SEPTIN9: variants seen among roughly 807,000 people sequenced by gnomAD.
SEPTIN9 encodes septin-9.
A neutral mutation model predicts 56.6 loss-of-function variants in SEPTIN9; 13 were observed. The ratio of observed to expected loss-of-function variants is 0.23; its 90% CI spans 0.15 to 0.37. The LOEUF is 0.37. SEPTIN9 is among the 10% of genes least tolerant of loss of function. SEPTIN9 has a pLI of 1.00. For missense variants in SEPTIN9, 650 were observed against 823.1 expected (o/e 0.79, Z 2.57); for synonymous variants, 332 against 334.1 (o/e 0.99, Z 0.07).
intron 2 of SEPTIN9, among the ~76,000 whole-genome samples, chr17:77,398,550 G>A (rs1431169558): frequency 6.6e-6 from 1 of 152,206 alleles, no homozygotes; most frequent in Non-Finnish European, 1.5e-5. Context: ...GTGAGCCAGG[G>A]TGGGCACCTC....
At chr17:77,410,958 A>C (rs56377273) in intron 3 of SEPTIN9, among the ~76,000 whole-genome samples, 3 of 151,770 alleles carry the variant, frequency 2.0e-5, no homozygotes, top group Admixed American at 6.6e-5. Flanking sequence ...GGTGGCGGGC[A>C]CCTGTAGTCC....
In SEPTIN9 at chr17:77,453,991, G is replaced by GT. The variant is rs2038084903; in HGVS notation, c.722-28152dup. On this transcript the variant is annotated intron_variant, in intron 3 of 11. Coordinates refer to ENST00000427177, the MANE Select transcript of SEPTIN9 (RefSeq NM_001113491.2). This position sits in a 1 kb window ranked among gnomAD's most constrained non-coding sequence, Gnocchi z 4.4. ...GCAGCTTCCGTTATCTGGTTCTTCT[G>GT]TACATGTAAGCCTTTCCCATACACC... 1.1e-6 allele frequency: 1 copy of GT among 926,864 alleles called. No homozygotes were observed. The allele number at this position is 926,864 out of a possible 1,614,324, so 57.4% of individuals were successfully genotyped here.
At chr17:77,495,571 T>G (rs904613775) in intron 10 of SEPTIN9, among the ~76,000 whole-genome samples, 1 of 152,190 alleles carries the variant, frequency 6.6e-6, no homozygotes, top group African/African-American at 2.4e-5. Flanking sequence ...TATCCACATT[T>G]TATGGATGAG....
intron 8 of SEPTIN9, among the ~76,000 whole-genome samples, chr17:77,491,457 C>G (rs1287737602): frequency 6.6e-6 from 1 of 151,704 alleles, no homozygotes; most frequent in Non-Finnish European, 1.5e-5. Context: ...CTCAGCCTCC[C>G]AAAGTGCTGG....
At position 77,450,742 on chromosome 17, in the gene SEPTIN9, C is replaced by T. The variant is rs2037933127; in HGVS notation, c.722-31402C>T. On this transcript the variant is annotated intron_variant, in intron 3 of 11. Transcript: ENST00000427177. This position sits in a 1 kb window ranked among gnomAD's most constrained non-coding sequence, Gnocchi z 6.0. ...GCTGGAGAGGCTGGAGAGGCAGGAG[C>T]TGGATCAGATCTGAATCCAGAGGCT... 2 of 986,264 alleles carry T rather than the reference C, an allele frequency of 2.0e-6. No homozygotes were observed. Among genetic ancestry groups the T allele is most frequent in the African/African-American group, 1.7e-5 (1 of 57,346 alleles). 61.1% of individuals were successfully genotyped at this position (986,264 alleles called of 1,614,324 possible). A position where few individuals can be genotyped will look rare whatever the true frequency, so the allele number is the denominator to read the frequency against.
chr17:77,362,813 C>G (rs1029862074), intron 2 of SEPTIN9, among the ~76,000 whole-genome samples: 1 of 152,148 alleles, frequency 6.6e-6, no homozygotes, highest in African/African-American at 2.4e-5. Flanking sequence ...GAAGAAGGGT[C>G]CAGAGGAGAA....
chr17:77,281,874 G>A lies in SEPTIN9; in HGVS notation c.19+320G>A, dbSNP rs146166234. 959 of 405,850 alleles carry A rather than the reference G, an allele frequency of 2.4e-3. 12 individuals are homozygous for A. Among genetic ancestry groups the A allele is most frequent in the African/African-American group, 0.018 (850 of 47,400 alleles). 25.1% of individuals were successfully genotyped at this position (405,850 alleles called of 1,614,324 possible). A position where few individuals can be genotyped will look rare whatever the true frequency, so the allele number is the denominator to read the frequency against. On this transcript the variant is annotated intron_variant, in intron 1 of 11. Transcript: ENST00000427177. ...TCGGCCGGGTGCTTTGGGTCCCTGTGCGTCTGTGTGGGTGAATGGGGTCGG... is the reference window on the plus strand; with the variant it reads ...TCGGCCGGGTGCTTTGGGTCCCTGTACGTCTGTGTGGGTGAATGGGGTCGG...
At chr17:77,325,586 G>T (rs1462299023) in intron 2 of SEPTIN9, among the ~76,000 whole-genome samples, 1 of 152,182 alleles carries the variant, frequency 6.6e-6, no homozygotes, top group Non-Finnish European at 1.5e-5. Context: ...CCTGCCCTGC[G>T]GACATGCCCC....
rs10537405 is a variant in SEPTIN9, at chr17:77,351,228, A to AACACACAC, written c.76+44066_76+44073dup. ...CGCAGGCACATGTGCGCGTGCACAC[A>AACACACAC]ACACACACACACACACACACACACA... On this transcript the variant is annotated intron_variant, in intron 2 of 11. Coordinates refer to ENST00000427177, the MANE Select transcript of SEPTIN9 (RefSeq NM_001113491.2). 4.5e-3 allele frequency among the ~76,000 whole-genome samples: 650 copies of AACACACAC among 144,758 alleles called. 4 individuals are homozygous for AACACACAC. Among genetic ancestry groups the AACACACAC allele is most frequent in the Middle Eastern group, 7.0e-3 (2 of 284 alleles). The allele number at this position is 144,758 out of a possible 152,430, so 95.0% of individuals were successfully genotyped here.
In SEPTIN9 at chr17:77,474,726, A is replaced by G. The variant is rs1022400222; in HGVS notation, c.722-7418A>G. On this transcript the variant is annotated intron_variant, in intron 3 of 11. Coordinates refer to ENST00000427177, the MANE Select transcript of SEPTIN9 (RefSeq NM_001113491.2). ...CTACCTGGCTTCAAATCCTGGCTCT[A>G]CCGCTTACTCGCTTTGCGACCCTCA... is the stretch of plus-strand genomic sequence containing the variant. 2.0e-5 allele frequency among the ~76,000 whole-genome samples: 3 copies of G among 152,030 alleles called. No individual in the cohort carries two copies. The South Asian group carries it at 6.2e-4, about 32-fold the overall frequency.
intron 3 of SEPTIN9, among the ~76,000 whole-genome samples, chr17:77,459,842 A>AT (rs1038308408): frequency 3.3e-5 from 5 of 151,978 alleles, no homozygotes; most frequent in African/African-American, 1.2e-4. Context: ...CGCCCGGCTA[A>AT]TTTTTTTGTA....
Position 77,405,512 on chromosome 17 carries a change from G to A in SEPTIN9, c.721+2809G>A, listed in dbSNP as rs565643941. ...AGAAAACCATCAGCATCCCAGACCCGGCCACCCACGGACAGGGACCTGTGC... is the reference window on the plus strand; with the variant it reads ...AGAAAACCATCAGCATCCCAGACCCAGCCACCCACGGACAGGGACCTGTGC... On this transcript the variant is annotated intron_variant, in intron 3 of 11. Transcript: ENST00000427177. The surrounding 1 kb of genome is among the most constrained non-coding windows in gnomAD (Gnocchi z 5.8). Among the ~76,000 whole-genome samples the A allele has an allele frequency of 2.0e-5, 3 of 152,294 alleles. No homozygotes were observed. The highest frequency in any genetic ancestry group is 2.1e-4 in the South Asian group (1 of 4,814).
At chr17:77,455,512 C>T (rs2038159578) in intron 3 of SEPTIN9, among the ~76,000 whole-genome samples, 1 of 152,230 alleles carries the variant, frequency 6.6e-6, no homozygotes, top group Admixed American at 6.5e-5. Flanking sequence ...TGGACGTCCT[C>T]CCTCCCCCAG....
intron 3 of SEPTIN9, among the ~76,000 whole-genome samples, chr17:77,444,147 TAGAC>T (rs941554101): frequency 4.6e-5 from 7 of 152,092 alleles, no homozygotes; most frequent in African/African-American, 1.7e-4. Context: ...GTAGGCTCCT[TAGAC>T]AGGAGTGGGA....
At chr17:77,480,801 T>C (rs1299961070) in intron 3 of SEPTIN9, among the ~76,000 whole-genome samples, 1 of 152,126 alleles carries the variant, frequency 6.6e-6, no homozygotes, top group Non-Finnish European at 1.5e-5. Context: ...GCAGGATGCC[T>C]GAGGCCAGAT....
chr17:77,454,156 C>T, intron 3 of SEPTIN9: 1 of 985,690 alleles, frequency 1.0e-6, no homozygotes, highest in Non-Finnish European at 1.2e-6. Flanking sequence ...GCAGCCCTCA[C>T]CTTAACACAG....
chr17:77,373,835 A>C, intron 2 of SEPTIN9: 3 of 442,922 alleles, frequency 6.8e-6, no homozygotes, highest in Non-Finnish European at 7.5e-6. Flanking sequence ...CCTTCCTTTT[A>C]TTGTTGTTTG....
intron 2 of SEPTIN9, chr17:77,373,881 G>A (rs1250030576): frequency 1.3e-5 from 4 of 310,160 alleles, no homozygotes; most frequent in Non-Finnish European, 2.4e-5. Context: ...TCGAGGGCTC[G>A]CGAGGCTGCC....
chr17:77,288,533 C>A (rs1598465657), intron 1 of SEPTIN9, among the ~76,000 whole-genome samples: 1 of 152,202 alleles, frequency 6.6e-6, no homozygotes, highest in South Asian at 2.1e-4. Context: ...CGCAGATCAA[C>A]CTGATCCGCA....
Sources: allele counts gnomAD v4.1 joint callset (sites outside exome capture counted in the v4.1 genomes callset), GRCh38; gene constraint gnomAD v4.1.1; non-coding constraint Gnocchi (gnomAD v3.1); transcripts MANE v1.5; gene names NCBI Gene and HGNC (gene_info 2026-07-23, HGNC 2026-07-21).